POF1B: variants seen among roughly 807,000 people sequenced by gnomAD.
POF1B encodes POF1B actin binding protein, also known as protein POF1B.
A neutral mutation model predicts 55.3 loss-of-function variants in POF1B; 53 were observed. That is an observed-to-expected ratio of 0.96 (90% confidence interval 0.77 to 1.20). POF1B has a LOEUF of 1.20. POF1B is among the 50% of genes most tolerant of loss of function. POF1B has a pLI of 0.00. For synonymous variants in POF1B, 188 were observed against 148.3 expected, an observed-to-expected ratio of 1.27 and a Z score of -1.95; for missense variants, 478 against 420.5, an observed-to-expected ratio of 1.14 and a Z score of -1.20.
At chrX:85,307,803 T>C (rs1256166563) in intron 10 of POF1B, among the ~76,000 whole-genome samples, 1 of 111,767 alleles carries the variant, frequency 8.9e-6, no homozygotes, top group Admixed American at 9.5e-5. Flanking sequence ...TGCTTTATAA[T>C]TATGAAAAAG....
intron 15 of POF1B, among the ~76,000 whole-genome samples, chrX:85,294,931 T>G (rs1230340817): frequency 9.0e-6 from 1 of 111,724 alleles, no homozygotes; most frequent in Non-Finnish European, 1.9e-5. Flanking sequence ...AAGTTTTCAC[T>G]TTCTTCCTGG....
chrX:85,291,230 G>A (rs1256213493), intron 15 of POF1B, among the ~76,000 whole-genome samples: 2 of 111,812 alleles, frequency 1.8e-5, no homozygotes, highest in African/African-American at 6.5e-5. Context: ...CTTGGTCAAA[G>A]ATCAGATTGT....
In POF1B at chrX:85,279,197, G is replaced by T. The variant is rs1931843026; in HGVS notation, c.*224C>A. On this transcript the variant is annotated 3_prime_UTR_variant, in exon 17 of 17. Coordinates refer to ENST00000262753, the MANE Select transcript of POF1B (RefSeq NM_024921.4). ...AGGTCCCTCTTTCAGTTAGTATGTT[G>T]TTATACTGAATACATGAGTGTTATG... 5.9e-6 allele frequency: 2 copies of T among 340,425 alleles called. No homozygotes were observed. Among genetic ancestry groups the T allele is most frequent in the East Asian group, 4.2e-5 (1 of 23,797 alleles). 28.1% of individuals were successfully genotyped at this position (340,425 alleles called of 1,213,427 possible).
At chrX:85,324,531 C>A (rs2147920348) in intron 7 of POF1B, among the ~76,000 whole-genome samples, 1 of 110,545 alleles carries the variant, frequency 9.0e-6, no homozygotes, top group African/African-American at 3.3e-5. Context: ...GGTTATAACC[C>A]CTGCTTTTTT....
chrX:85,313,417 G>A, intron 9 of POF1B, among the ~76,000 whole-genome samples: 1 of 111,708 alleles, frequency 9.0e-6, no homozygotes, highest in Non-Finnish European at 1.9e-5. Context: ...GGCCTTTTCT[G>A]CCTTTATTGA....
chrX:85,300,923 A>T (rs1932433668), intron 15 of POF1B, among the ~76,000 whole-genome samples: 1 of 112,276 alleles, frequency 8.9e-6, no homozygotes, highest in Non-Finnish European at 1.9e-5. Context: ...AGCCGATGTA[A>T]GCAAATGGAA....
At chrX:85,337,063 C>T (rs181418459) in intron 6 of POF1B, among the ~76,000 whole-genome samples, 63 of 111,863 alleles carry the variant, frequency 5.6e-4, no homozygotes, top group African/African-American at 1.9e-3. Context: ...GTCCTTTTCC[C>T]AATGCGTGTT....
Position 85,279,325 on chromosome X carries a change from G to T in POF1B, c.*96C>A. 1.1e-6 allele frequency: 1 copy of T among 879,343 alleles called. No individual in the cohort carries two copies. Among genetic ancestry groups the T allele is most frequent in the Non-Finnish European group, 1.6e-6 (1 of 618,828 alleles). 72.5% of individuals were successfully genotyped at this position (879,343 alleles called of 1,213,427 possible). A position where few individuals can be genotyped will look rare whatever the true frequency, so the allele number is the denominator to read the frequency against. On this transcript the variant is annotated 3_prime_UTR_variant, in exon 17 of 17. Coordinates refer to ENST00000262753, the MANE Select transcript of POF1B (RefSeq NM_024921.4). ...AGCAGCATGGTTCCAAATTCTGATT[G>T]GCCTTTAGTGATGGAAAAATAACAA...
intron 16 of POF1B, 127 bp downstream of exon 16, chrX:85,282,076 A>G (rs959782375): frequency 2.3e-6 from 2 of 865,124 alleles, no homozygotes; most frequent in Non-Finnish European, 3.0e-6. Flanking sequence ...TATATCAATA[A>G]TGGAAACAGA....
chrX:85,356,324 G>A (rs780217503), intron 4 of POF1B, among the ~76,000 whole-genome samples: 1 of 107,742 alleles, frequency 9.3e-6, no homozygotes, highest in Admixed American at 1.0e-4. Flanking sequence ...TGGAGGGAGG[G>A]GGGGATAGCA....
intron 16 of POF1B, among the ~76,000 whole-genome samples, chrX:85,281,746 A>T (rs762004899): frequency 1.4e-4 from 15 of 106,537 alleles, no homozygotes; most frequent in East Asian, 2.9e-4. Flanking sequence ...TATATATATA[A>T]AATCCACAGG....
chrX:85,368,119 G>A (rs1382482444), intron 2 of POF1B, among the ~76,000 whole-genome samples: 1 of 111,613 alleles, frequency 9.0e-6, no homozygotes, highest in African/African-American at 3.2e-5. Flanking sequence ...TTTTCTTTCA[G>A]TATTTGTTCT....
chrX:85,354,140 T>C (rs1290417345), intron 4 of POF1B, among the ~76,000 whole-genome samples: 6 of 111,230 alleles, frequency 5.4e-5, no homozygotes, highest in Non-Finnish European at 1.9e-5. Context: ...GGGAGGGTAA[T>C]GCAGAATATC....
chrX:85,305,747 G>A (rs763826241), intron 13 of POF1B, 44 bp downstream of exon 13: 1 of 1,164,955 alleles, frequency 8.6e-7, no homozygotes, highest in Non-Finnish European at 1.1e-6. Flanking sequence ...TTGCTAGAAA[G>A]TTTGTGCTGA....
At chrX:85,326,074 C>G (rs748464585) in intron 7 of POF1B, among the ~76,000 whole-genome samples, 1 of 111,602 alleles carries the variant, frequency 9.0e-6, no homozygotes, top group Admixed American at 9.5e-5. Flanking sequence ...CTTCCTGGAC[C>G]GCTGGTCACA....
At chrX:85,282,452 C>T (rs1395859474) in intron 15 of POF1B, 135 bp from the exon 16 acceptor site, 3 of 331,749 alleles carry the variant, frequency 9.0e-6, no homozygotes, top group East Asian at 9.7e-5. Context: ...ACTGAAAAAA[C>T]AAAAAAATAA....
intron 7 of POF1B, among the ~76,000 whole-genome samples, chrX:85,326,000 T>G (rs1196546618): frequency 9.0e-6 from 1 of 111,220 alleles, no homozygotes; most frequent in African/African-American, 3.3e-5. Context: ...GGAGTCGTAT[T>G]GGGCCAGGCT....
At chrX:85,326,713 G>A (rs1932901438) in intron 7 of POF1B, among the ~76,000 whole-genome samples, 1 of 109,669 alleles carries the variant, frequency 9.1e-6, no homozygotes. Context: ...GGGAGAGTGC[G>A]TGCAAGCAAA....
At chrX:85,346,974 C>G (rs1309198076) in intron 5 of POF1B, among the ~76,000 whole-genome samples, 1 of 111,092 alleles carries the variant, frequency 9.0e-6, no homozygotes, top group East Asian at 2.8e-4. Flanking sequence ...GGATATTAGG[C>G]TGAATTTGCA....
Sources: allele counts gnomAD v4.1 joint callset (sites outside exome capture counted in the v4.1 genomes callset), GRCh38; gene constraint gnomAD v4.1.1; transcripts MANE v1.5; gene names NCBI Gene and HGNC (gene_info 2026-07-23, HGNC 2026-07-21).